TNIP2: variants seen among roughly 807,000 people sequenced by gnomAD.
The protein encoded by TNIP2 is TNFAIP3-interacting protein 2.
In TNIP2, 30 loss-of-function variants were observed where a neutral mutation model predicts 43.7. The observed-to-expected ratio is 0.69, with a 90% CI of 0.51 to 0.93. TNIP2 has a LOEUF of 0.93. Ranked by LOEUF, TNIP2 falls within the 40% of genes least tolerant of loss-of-function variation. The pLI is 0.00. For synonymous variants in TNIP2, 260 were observed against 254.6 expected (o/e 1.02, Z -0.20); for missense variants, 599 against 591.0 (o/e 1.01, Z -0.14).
chr4:2,745,063 TG>T, intron 3 of TNIP2, 118 bp from the exon 4 acceptor site: 1 of 1,334,160 alleles, frequency 7.5e-7, no homozygotes, highest in Non-Finnish European at 1.0e-6. Context: ...TCCTCTTAAA[TG>T]GAAGCTGCCC....
intron 5 of TNIP2, among the ~76,000 whole-genome samples, chr4:2,743,634 C>T (rs1004728230): frequency 8.5e-5 from 13 of 152,266 alleles, no homozygotes; most frequent in African/African-American, 2.9e-4. Context: ...CCCTGAAACA[C>T]GGCTGACGTC....
In TNIP2 at chr4:2,741,961, C is replaced by T; in HGVS notation, c.*296G>A. 2 of 285,888 alleles carry T rather than the reference C, an allele frequency of 7.0e-6. No homozygotes were observed. The highest frequency in any genetic ancestry group is 1.3e-5 in the Non-Finnish European group (2 of 153,944). 17.7% of individuals were successfully genotyped at this position (285,888 alleles called of 1,614,324 possible). On this transcript the variant is annotated 3_prime_UTR_variant, in exon 6 of 6. Transcript: ENST00000315423. ...AGGCAGGCTGGGGGAGGGGCTGGCA[C>T]ACCAGCACCAGATAGCTCTGGCTTA...
chr4:2,752,118 G>A (rs1577312196), intron 1 of TNIP2, among the ~76,000 whole-genome samples: 2 of 147,462 alleles, frequency 1.4e-5, no homozygotes, highest in African/African-American at 2.5e-5. Context: ...AAAAAAAAAA[G>A]GAACAAGGAA....
chr4:2,745,640 T>G, intron 2 of TNIP2, 105 bp from the exon 3 acceptor site: 2 of 768,048 alleles, frequency 2.6e-6, no homozygotes, highest in Non-Finnish European at 4.5e-6. Context: ...CGTCCCCCAG[T>G]GCAGCGGGTA....
At position 2,744,700 on chromosome 4, in the gene TNIP2, C is replaced by T. The variant is rs774234645; in HGVS notation, c.903G>A (p.Gln301=). ...AALERVQMLE[Q]QILAYKDDFM... ...CCGGAGCCCGAGGGACAGACACCTG[C>T]TGTTCCAGCATCTGCACCCGCTCCA... The change falls in exon 4 of 6, where the codon CAG becomes CAA. Residue 301 remains glutamine (Q), a synonymous_variant. Coordinates refer to ENST00000315423, the MANE Select transcript of TNIP2 (RefSeq NM_024309.4). The surrounding 1 kb of genome is among the most constrained non-coding windows in gnomAD (Gnocchi z 5.1). The T allele has an allele frequency of 1.9e-6, 3 of 1,601,148 alleles. No homozygotes were observed. The highest frequency in any genetic ancestry group is 2.5e-6 in the Non-Finnish European group (3 of 1,178,656).
intron 1 of TNIP2, among the ~76,000 whole-genome samples, chr4:2,750,780 C>A (rs1425906173): frequency 6.6e-6 from 1 of 151,980 alleles, no homozygotes; most frequent in Non-Finnish European, 1.5e-5. Flanking sequence ...GCAGGGGTCA[C>A]CGTGCCCAGG....
chr4:2,742,537 G>A lies in TNIP2; in HGVS notation c.1027-17C>T. ...TCGAGAATCCTGGAGAAAAGGCAAGGGTGTATATACGTGGGCTGTGCTGAC... is the reference window on the plus strand; with the variant it reads ...TCGAGAATCCTGGAGAAAAGGCAAGAGTGTATATACGTGGGCTGTGCTGAC... On this transcript the variant is annotated splice_polypyrimidine_tract_variant and intron_variant, in intron 5 of 5. Transcript: ENST00000315423. 1 of 1,556,210 alleles carries A rather than the reference G, an allele frequency of 6.4e-7. No individual in the cohort carries two copies. The highest frequency in any genetic ancestry group is 8.7e-7 in the Non-Finnish European group (1 of 1,145,728).
chr4:2,756,151 G>C lies in TNIP2; in HGVS notation c.139C>G (p.Arg47Gly), dbSNP rs764892846. The change falls in exon 1 of 6, where the codon CGC (arginine) becomes GGC (glycine). Residue 47 changes from arginine (R) to glycine (G), a missense_variant. Coordinates refer to ENST00000315423, the MANE Select transcript of TNIP2 (RefSeq NM_024309.4). ...QLAARDALIA[R>G]LRARLAALEG... is the part of the protein sequence containing the mutation. ...AGCGCGGCCAGGCGGGCGCGGAGGCGAGCGATGAGGGCGTCGCGGGCAGCG... is the reference window on the plus strand; with the variant it reads ...AGCGCGGCCAGGCGGGCGCGGAGGCCAGCGATGAGGGCGTCGCGGGCAGCG... 2.5e-5 allele frequency: 37 copies of C among 1,476,702 alleles called. 1 individual carries two copies. The South Asian group carries it at 4.4e-4, about 17-fold the overall frequency. 91.5% of individuals were successfully genotyped at this position (1,476,702 alleles called of 1,614,324 possible).
At chr4:2,746,975 G>A (rs374062855) in intron 2 of TNIP2, among the ~76,000 whole-genome samples, 1 of 152,218 alleles carries the variant, frequency 6.6e-6, no homozygotes, top group African/African-American at 2.4e-5. Flanking sequence ...GAGAGCTACA[G>A]CCCAGATCCA....
intron 1 of TNIP2, among the ~76,000 whole-genome samples, chr4:2,751,589 G>A (rs1331486114): frequency 6.6e-6 from 1 of 151,936 alleles, no homozygotes; most frequent in African/African-American, 2.4e-5. Context: ...GGGCAACATG[G>A]CGAGACCTTG....
intron 5 of TNIP2, among the ~76,000 whole-genome samples, chr4:2,742,807 CCTGA>C (rs1470353099): frequency 2.0e-5 from 3 of 152,210 alleles, no homozygotes; most frequent in Non-Finnish European, 2.9e-5. Flanking sequence ...CCCCAGGAGA[CCTGA>C]CTGAGAAGGT....
chr4:2,747,010 C>A (rs937016035), intron 2 of TNIP2, among the ~76,000 whole-genome samples: 1 of 152,234 alleles, frequency 6.6e-6, no homozygotes, highest in Non-Finnish European at 1.5e-5. Flanking sequence ...TCCAGCGAAC[C>A]CTTCTTTGGC....
In TNIP2 at chr4:2,756,170, G is replaced by C; in HGVS notation, c.120C>G (p.Ala40=). 1 of 1,478,266 alleles carries C rather than the reference G, an allele frequency of 6.8e-7. No homozygotes were observed. Among genetic ancestry groups the C allele is most frequent in the Non-Finnish European group, 8.9e-7 (1 of 1,122,452 alleles). The allele number at this position is 1,478,266 out of a possible 1,614,324, so 91.6% of individuals were successfully genotyped here. A position where few individuals can be genotyped will look rare whatever the true frequency, so the allele number is the denominator to read the frequency against. The change falls in exon 1 of 6, where the codon GCC becomes GCG. Residue 40 remains alanine (A), a synonymous_variant. Transcript: ENST00000315423. ...GGAGGCGAGCGATGAGGGCGTCGCG[G>C]GCAGCGAGCTGGTCCTGCAGGCGGC... The part of the protein sequence containing the change: ...RLRRLQDQLA[A]RDALIARLRA...
chr4:2,751,949 C>A (rs1286211657), intron 1 of TNIP2, among the ~76,000 whole-genome samples: 2 of 150,000 alleles, frequency 1.3e-5, no homozygotes, highest in South Asian at 2.1e-4. Flanking sequence ...ACTAAAGATA[C>A]AAAAAATTAG....
chr4:2,750,060 C>A (rs1376954856), intron 1 of TNIP2, among the ~76,000 whole-genome samples: 1 of 152,212 alleles, frequency 6.6e-6, no homozygotes, highest in Admixed American at 6.5e-5. Context: ...GCCTCAGCCT[C>A]CCAAAGTGCT....
chr4:2,753,275 C>CA (rs371646696), intron 1 of TNIP2, among the ~76,000 whole-genome samples: 444 of 144,338 alleles, frequency 3.1e-3, no homozygotes, highest in African/African-American at 8.0e-3. Flanking sequence ...CCCGTCTCTA[C>CA]AAAAAAAAAA....
At chr4:2,753,462 C>T (rs1436953304) in intron 1 of TNIP2, among the ~76,000 whole-genome samples, 1 of 151,986 alleles carries the variant, frequency 6.6e-6, no homozygotes, top group Non-Finnish European at 1.5e-5. Flanking sequence ...AAATAAAAAT[C>T]CCAAAACAAA....
In TNIP2 at chr4:2,744,237, G is replaced by C; in HGVS notation, c.1026+150C>G. 1 of 936,762 alleles carries C rather than the reference G, an allele frequency of 1.1e-6. No homozygotes were observed. The highest frequency in any genetic ancestry group is 1.6e-6 in the Non-Finnish European group (1 of 631,244). The allele number at this position is 936,762 out of a possible 1,614,324, so 58.0% of individuals were successfully genotyped here. On this transcript the variant is annotated intron_variant, in intron 5 of 5. Coordinates refer to ENST00000315423, the MANE Select transcript of TNIP2 (RefSeq NM_024309.4). This position sits in a 1 kb window ranked among gnomAD's most constrained non-coding sequence, Gnocchi z 5.1. ...ATGACCACGCCCAGGTACCAGGCCA[G>C]GTGGCTCTCCCCACAGCAGGGAGGG...
In TNIP2 at chr4:2,756,140, G is replaced by A. The variant is rs1347946692; in HGVS notation, c.150C>T (p.Ala50=). Residue 50 remains alanine (A), a synonymous_variant, in exon 1 of 6, where the codon GCC becomes GCT. Coordinates refer to ENST00000315423, the MANE Select transcript of TNIP2 (RefSeq NM_024309.4). ...ARDALIARLR[A]RLAALEGDAA... is the part of the protein sequence containing the mutation. ...CGTCCCCCTCCAGCGCGGCCAGGCG[G>A]GCGCGGAGGCGAGCGATGAGGGCGT... 2.7e-6 allele frequency: 4 copies of A among 1,474,156 alleles called. No homozygotes were observed. The highest frequency in any genetic ancestry group is 2.7e-6 in the Non-Finnish European group (3 of 1,121,066). The allele number at this position is 1,474,156 out of a possible 1,614,324, so 91.3% of individuals were successfully genotyped here.
Sources: allele counts gnomAD v4.1 joint callset (sites outside exome capture counted in the v4.1 genomes callset), GRCh38; gene constraint gnomAD v4.1.1; non-coding constraint Gnocchi (gnomAD v3.1); transcripts MANE v1.5; gene names NCBI Gene and HGNC (gene_info 2026-07-23, HGNC 2026-07-21).